The following HK2 variants were observed in gnomAD, a reference collection of about 807,000 sequenced individuals.
HK2 encodes hexokinase-2.
In HK2, 42 loss-of-function variants were observed where a neutral mutation model predicts 92.9. That is an observed-to-expected ratio of 0.45 (90% confidence interval 0.35 to 0.58). HK2 has a LOEUF of 0.58. HK2 is among the 20% of genes least tolerant of loss of function. The pLI is 0.00. For missense variants in HK2, 978 were observed against 1,245.1 expected, an observed-to-expected ratio of 0.79 and a Z score of 3.23; for synonymous variants, 422 against 468.0, an observed-to-expected ratio of 0.90 and a Z score of 1.27.
Position 74,872,388 on chromosome 2 carries a change from C to G in HK2, c.464C>G (p.Ser155Trp). 1 of 1,614,144 alleles carries G rather than the reference C, an allele frequency of 6.2e-7. No homozygotes were observed. Among genetic ancestry groups the G allele is most frequent in the Admixed American group, 1.7e-5 (1 of 60,022 alleles). ...AAGCTCCCACTGGGTTTTACCTTCTCGTTCCCCTGCCACCAGACTAAACTA... is the reference window on the plus strand; with the variant it reads ...AAGCTCCCACTGGGTTTTACCTTCTGGTTCCCCTGCCACCAGACTAAACTA... ...DKKLPLGFTF[S>W]FPCHQTKLDE... Residue 155 changes from serine (S) to tryptophan (W), a missense_variant, in exon 4 of 18, where the codon TCG (serine) becomes TGG (tryptophan). Physicochemically the swap from Ser to Trp is radical, Grantham distance 177 (BLOSUM62 -3). Transcript: ENST00000290573.
At chr2:74,846,509 T>C (rs1326493298) in intron 1 of HK2, among the ~76,000 whole-genome samples, 1 of 152,236 alleles carries the variant, frequency 6.6e-6, no homozygotes, top group Non-Finnish European at 1.5e-5. Context: ...TTAATATAAA[T>C]AGACTCATAC....
At chr2:74,889,085 C>G (rs1166831878) in intron 16 of HK2, among the ~76,000 whole-genome samples, 160 bp from the exon 17 acceptor site, 1 of 152,148 alleles carries the variant, frequency 6.6e-6, no homozygotes, top group Non-Finnish European at 1.5e-5. Flanking sequence ...GTAGGTTGAG[C>G]AGTGGTCTGA....
intron 3 of HK2, among the ~76,000 whole-genome samples, chr2:74,870,748 A>G (rs933813039): frequency 8.5e-5 from 13 of 152,206 alleles, no homozygotes; most frequent in African/African-American, 3.1e-4. Context: ...ACTCTGTTCA[A>G]GGGAGTTGGC....
chr2:74,853,453 G>A (rs1293782984), intron 1 of HK2, among the ~76,000 whole-genome samples: 1 of 151,944 alleles, frequency 6.6e-6, no homozygotes, highest in Non-Finnish European at 1.5e-5. Flanking sequence ...GGAGGCAGAG[G>A]TTGCAGTGAG....
chr2:74,862,713 TGATA>T (rs935768158), intron 2 of HK2, among the ~76,000 whole-genome samples: 3 of 152,342 alleles, frequency 2.0e-5, no homozygotes, highest in African/African-American at 7.2e-5. Flanking sequence ...AAGATTGTAC[TGATA>T]GATAGCCTCA....
chr2:74,853,935 C>T (rs939950920), intron 1 of HK2, among the ~76,000 whole-genome samples: 17 of 152,164 alleles, frequency 1.1e-4, no homozygotes, highest in African/African-American at 3.4e-4. Flanking sequence ...TGTGACTGGC[C>T]ATGTCAGGTG....
intron 2 of HK2, among the ~76,000 whole-genome samples, chr2:74,864,306 G>C (rs1328130838): frequency 1.3e-5 from 2 of 152,198 alleles, no homozygotes; most frequent in Non-Finnish European, 2.9e-5. Context: ...CTATGTTGTA[G>C]CTACTCTGGA....
Position 74,863,988 on chromosome 2 carries a change from CA to C in HK2, c.227-3647del, listed in dbSNP as rs377057446. 7.8e-4 allele frequency among the ~76,000 whole-genome samples: 119 copies of C among 152,310 alleles called. 1 individual carries two copies. The highest frequency in any genetic ancestry group is 2.7e-3 in the African/African-American group (112 of 41,570). ...CTCTAAGGTTGGATCAAATACAGTC[CA>C]GTGTTCTGATTTGCCTGAGCCTCTC... is the stretch of plus-strand genomic sequence containing the variant. On this transcript the variant is annotated intron_variant, in intron 2 of 17. Coordinates refer to ENST00000290573, the MANE Select transcript of HK2 (RefSeq NM_000189.5).
chr2:74,874,572 C>T (rs1299053595), intron 7 of HK2, 123 bp downstream of exon 7: 1 of 894,150 alleles, frequency 1.1e-6, no homozygotes, highest in East Asian at 2.7e-5. Context: ...AAGGTGGCCA[C>T]TGGTCATAGG....
chr2:74,888,146 A>G (rs1475197614), intron 16 of HK2, 88 bp downstream of exon 16: 6 of 1,428,498 alleles, frequency 4.2e-6, no homozygotes, highest in African/African-American at 1.4e-5. Flanking sequence ...AACTCAGGGC[A>G]TGACTCATAC....
intron 2 of HK2, among the ~76,000 whole-genome samples, chr2:74,862,473 C>T (rs1282454398): frequency 2.0e-5 from 3 of 152,280 alleles, no homozygotes; most frequent in African/African-American, 4.8e-5. Context: ...GGAGATAAGG[C>T]CCATGTAGAC....
intron 13 of HK2, 28 bp from the exon 14 acceptor site, chr2:74,886,266 A>G: frequency 1.3e-6 from 2 of 1,557,214 alleles, no homozygotes; most frequent in South Asian, 2.2e-5. Context: ...TTCACCTGTG[A>G]ACTGGGCATC....
In HK2 at chr2:74,834,659, C is replaced by G; in HGVS notation, c.63+16C>G. On this transcript the variant is annotated intron_variant, in intron 1 of 17. Coordinates refer to ENST00000290573, the MANE Select transcript of HK2 (RefSeq NM_000189.5). The surrounding 1 kb of genome is among the most constrained non-coding windows in gnomAD (Gnocchi z 4.2). ...AGTGCAGAAGGTAAGTCAGCGCGGG[C>G]GGGGCGGCAGGCTGGGCTCTGGCAA... The G allele has an allele frequency of 1.2e-6, 2 of 1,613,704 alleles. No homozygotes were observed. Among genetic ancestry groups the G allele is most frequent in the Non-Finnish European group, 1.7e-6 (2 of 1,179,614 alleles).
At chr2:74,879,064 CA>C in intron 9 of HK2, 143 bp downstream of exon 9, 1 of 770,196 alleles carries the variant, frequency 1.3e-6, no homozygotes, top group Non-Finnish European at 2.3e-6. Context: ...TGAAAGTTCC[CA>C]CCTGGGCAAG....
chr2:74,880,626 AC>A, intron 10 of HK2, 57 bp downstream of exon 10: 3 of 1,539,378 alleles, frequency 1.9e-6, no homozygotes, highest in Non-Finnish European at 2.7e-6. Flanking sequence ...TGGTGTTGAT[AC>A]CCTGGGAGGG....
chr2:74,875,883 C>T (rs1342260593), intron 7 of HK2, among the ~76,000 whole-genome samples: 1 of 152,188 alleles, frequency 6.6e-6, no homozygotes. Context: ...CATGACAGCA[C>T]ACCCCCGGCT....
At chr2:74,871,885 C>T (rs1384484828) in intron 3 of HK2, among the ~76,000 whole-genome samples, 2 of 152,172 alleles carry the variant, frequency 1.3e-5, no homozygotes, top group Non-Finnish European at 2.9e-5. Context: ...ATGGGCTGGC[C>T]TTTGGTATGA....
At chr2:74,841,076 G>GT (rs1451650924) in intron 1 of HK2, among the ~76,000 whole-genome samples, 1 of 151,978 alleles carries the variant, frequency 6.6e-6, no homozygotes, top group Admixed American at 6.6e-5. Context: ...GGACAGATAC[G>GT]TTTTTTGTGA....
chr2:74,855,059 C>T (rs140546249), intron 2 of HK2, among the ~76,000 whole-genome samples: 2 of 152,146 alleles, frequency 1.3e-5, no homozygotes, highest in Admixed American at 6.5e-5. Flanking sequence ...TGCAATGATG[C>T]GATCTCGGCT....
Sources: gnomAD v4.1 joint callset for allele counts (sites outside exome capture counted in the v4.1 genomes callset) on GRCh38, gnomAD v4.1.1 for gene constraint, Gnocchi (gnomAD v3.1) non-coding constraint, MANE v1.5 for transcripts, NCBI Gene and HGNC (gene_info 2026-07-23, HGNC 2026-07-21) for gene names.